The following VPS8 variants were observed in gnomAD, a reference collection of about 807,000 sequenced individuals.
The protein encoded by VPS8 is vacuolar protein sorting-associated protein 8 homolog.
A neutral mutation model predicts 216.4 loss-of-function variants in VPS8; 129 were observed. That is an observed-to-expected ratio of 0.60 (90% CI 0.52 to 0.69). The LOEUF (loss-of-function observed/expected upper bound fraction) is 0.69. Ranked by LOEUF, VPS8 falls within the 30% of genes least tolerant of loss-of-function variation. The probability of loss-of-function intolerance (pLI) is 0.00; values close to 1 mark genes in which losing one functional copy is unlikely to be tolerated. For synonymous variants in VPS8, 571 were observed against 565.4 expected (o/e 1.01, Z -0.14); for missense variants, 1,531 against 1,683.5 (o/e 0.91, Z 1.59).
At chr3:184,822,503 G>T (rs9843469) in intron 1 of VPS8, among the ~76,000 whole-genome samples, 29,608 of 152,176 alleles carry the variant, frequency 0.19, 6,203 homozygotes, top group African/African-American at 0.53. Context: ...TTTGGAAAGA[G>T]ATAAAATATG....
rs370127774 is a variant in VPS8 at position 184,894,830 on chromosome 3, A to G, written c.1909A>G (p.Lys637Glu). ...KLVGITPQVM[K>E]DLIVHFQDKK... is the part of the protein sequence containing the mutation. The stretch of plus-strand genomic sequence containing the variant: ...GGTGGGAATCACACCCCAAGTAATG[A>G]AAGACTTGATTGTTCATTTCCAAGA... Residue 637 changes from lysine to glutamate, a missense_variant, in exon 23 of 48, where the codon AAA becomes GAA. Lys to Glu is a moderately conservative substitution (Grantham distance 56, BLOSUM62 1). Around this residue, in one of 3 missense-constraint regions of VPS8, gnomAD observed 1,318 missense variants for 1,468.4 expected, o/e 0.90. Transcript: ENST00000625842. The G allele has an allele frequency of 1.9e-6, 3 of 1,610,600 alleles. No homozygotes were observed. Among genetic ancestry groups the G allele is most frequent in the Non-Finnish European group, 2.5e-6 (3 of 1,178,290 alleles).
intron 6 of VPS8, chr3:184,839,453 G>T: frequency 2.4e-6 from 1 of 410,928 alleles, no homozygotes; most frequent in Non-Finnish European, 4.3e-6. Context: ...GCATGTTATT[G>T]CCTATAATGT....
intron 25 of VPS8, among the ~76,000 whole-genome samples, chr3:184,906,268 TG>T (rs1735476771): frequency 6.6e-6 from 1 of 152,220 alleles, no homozygotes; most frequent in Non-Finnish European, 1.5e-5. Context: ...TACTTTTTTT[TG>T]TGGTCAGAAA....
intron 16 of VPS8, among the ~76,000 whole-genome samples, chr3:184,865,107 A>G (rs1727090098): frequency 6.6e-6 from 1 of 152,164 alleles, no homozygotes; most frequent in Admixed American, 6.5e-5. Flanking sequence ...TTGAAGATAC[A>G]ACAATAGAAA....
intron 45 of VPS8, among the ~76,000 whole-genome samples, chr3:185,011,632 T>C (rs1216070797): frequency 6.6e-6 from 1 of 152,222 alleles, no homozygotes; most frequent in East Asian, 1.9e-4. Flanking sequence ...AATGTTGCTA[T>C]GTTACAGGGA....
At chr3:185,027,368 A>C (rs941854486) in intron 46 of VPS8, among the ~76,000 whole-genome samples, 4 of 146,566 alleles carry the variant, frequency 2.7e-5, no homozygotes, top group African/African-American at 5.1e-5. Flanking sequence ...TCAGCCTCCC[A>C]AGTAGCTGGG....
intron 22 of VPS8, among the ~76,000 whole-genome samples, chr3:184,887,109 G>A (rs571494851): frequency 6.6e-6 from 1 of 152,290 alleles, no homozygotes; most frequent in South Asian, 2.1e-4. Context: ...GTGGGAGGCC[G>A]AGGTGGGAGG....
chr3:184,847,946 T>C (rs1723447617), intron 8 of VPS8, among the ~76,000 whole-genome samples: 1 of 152,206 alleles, frequency 6.6e-6, no homozygotes, highest in Non-Finnish European at 1.5e-5. Flanking sequence ...GGAGTCTTTC[T>C]CTGTCTCCCA....
rs578157746 is a variant in VPS8 at position 184,996,599 on chromosome 3, G to A, written c.3836+98G>A. 127 of 1,380,546 alleles carry A rather than the reference G, an allele frequency of 9.2e-5. 2 individuals carry two copies. In the South Asian group the frequency reaches 1.3e-3, roughly 14 times the overall value. 85.5% of individuals were successfully genotyped at this position (1,380,546 alleles called of 1,614,324 possible). A position where few individuals can be genotyped will look rare whatever the true frequency, so the allele number is the denominator to read the frequency against. On this transcript the variant is annotated intron_variant, in intron 44 of 47. Coordinates refer to ENST00000625842, the MANE Select transcript of VPS8 (RefSeq NM_001009921.3). ...GGATACACGGGTAGTCATTCTAGCA[G>A]TGAACGTGATAGGCAAGTTCCTGCC...
intron 8 of VPS8, among the ~76,000 whole-genome samples, chr3:184,846,951 G>A (rs1723247559): frequency 6.6e-6 from 1 of 152,076 alleles, no homozygotes; most frequent in South Asian, 2.1e-4. Flanking sequence ...TTTAGAGTCA[G>A]GAAAATTATA....
At chr3:184,955,052 A>G (rs1416623744) in intron 36 of VPS8, among the ~76,000 whole-genome samples, 1 of 152,202 alleles carries the variant, frequency 6.6e-6, no homozygotes, top group African/African-American at 2.4e-5. Context: ...TCTTTGGTCA[A>G]GTGGTAACGC....
chr3:184,915,551 C>A (rs1005858012), intron 28 of VPS8, 77 bp downstream of exon 28: 16 of 1,476,922 alleles, frequency 1.1e-5, no homozygotes, highest in Middle Eastern at 2.5e-4. Flanking sequence ...GGTGGCTCAC[C>A]CCTGTAATCC....
rs1453287144 is a variant in VPS8 at position 184,895,421 on chromosome 3, G to T, written c.2004+496G>T. On this transcript the variant is annotated intron_variant, in intron 23 of 47. Coordinates refer to ENST00000625842, the MANE Select transcript of VPS8 (RefSeq NM_001009921.3). The stretch of plus-strand genomic sequence containing the variant: ...CATGGTATATAACAGGCAAGTTATA[G>T]AACTTTTTAGCATGAATAGCCAGCC... Among the ~76,000 whole-genome samples, 10 of 151,842 alleles carry T rather than the reference G, an allele frequency of 6.6e-5. No homozygotes were observed. The East Asian group carries it at 1.7e-3, about 27-fold the overall frequency.
rs546268827 is a variant in VPS8, at chr3:184,891,674, C to G, written c.1782-3029C>G. 1.5e-4 allele frequency among the ~76,000 whole-genome samples: 23 copies of G among 152,114 alleles called. 1 individual carries two copies. The South Asian group carries it at 4.8e-3, about 32-fold the overall frequency. On this transcript the variant is annotated intron_variant, in intron 22 of 47. Transcript: ENST00000625842. ...GTGGTACTTGTATCAAAAAATAGAGCATTTTGAACATAATTTGTTAAAATT... is the reference window on the plus strand; with the variant it reads ...GTGGTACTTGTATCAAAAAATAGAGGATTTTGAACATAATTTGTTAAAATT...
At chr3:185,002,646 T>C (rs1387329613) in intron 45 of VPS8, among the ~76,000 whole-genome samples, 1 of 152,194 alleles carries the variant, frequency 6.6e-6, no homozygotes, top group Non-Finnish European at 1.5e-5. Flanking sequence ...ATTATTTCAT[T>C]CTTATGCTTT....
chr3:184,876,815 A>G (rs1394954883), intron 21 of VPS8, among the ~76,000 whole-genome samples: 4 of 152,192 alleles, frequency 2.6e-5, no homozygotes, highest in African/African-American at 4.8e-5. Flanking sequence ...TTGGTATATT[A>G]TAGAATTCTC....
In VPS8 at chr3:184,984,194, A is replaced by AACAAAAAAAAAAAAAAAAAACTCACCAAG; in HGVS notation, c.3585+1100_3585+1101insACAAAAAAAAAAAAAAAAAACTCACCAAG. Among the ~76,000 whole-genome samples the AACAAAAAAAAAAAAAAAAAACTCACCAAG allele has an allele frequency of 4.3e-5, 2 of 46,528 alleles. 1 individual carries two copies. Among genetic ancestry groups the AACAAAAAAAAAAAAAAAAAACTCACCAAG allele is most frequent in the Admixed American group, 8.7e-4 (2 of 2,300 alleles). The allele number at this position is 46,528 out of a possible 152,430, so 30.5% of individuals were successfully genotyped here. On this transcript the variant is annotated intron_variant, in intron 42 of 47. Transcript: ENST00000625842. ...GCGAGACTCCGTCTCAAAAAAAAAAACTCTACTTCCCATCTGATATTAAGC... is the reference window on the plus strand; with the variant it reads ...GCGAGACTCCGTCTCAAAAAAAAAAAACAAAAAAAAAAAAAAAAAACTCACCAAGCTCTACTTCCCATCTGATATTAAGC...
At chr3:184,970,226 A>G (rs1252982235) in intron 39 of VPS8, among the ~76,000 whole-genome samples, 1 of 152,006 alleles carries the variant, frequency 6.6e-6, no homozygotes, top group Non-Finnish European at 1.5e-5. Context: ...CTACTTTCCT[A>G]TTCAATTTTG....
chr3:184,937,378 G>A (rs1429292063), intron 35 of VPS8, among the ~76,000 whole-genome samples: 1 of 152,156 alleles, frequency 6.6e-6, no homozygotes, highest in Non-Finnish European at 1.5e-5. Context: ...TCAGAGCAGT[G>A]AGTAGGAGGT....
Sources: allele counts gnomAD v4.1 joint callset (sites outside exome capture counted in the v4.1 genomes callset), GRCh38; gene constraint gnomAD v4.1.1; regional missense constraint gnomAD v4.1.1; transcripts MANE v1.5; gene names NCBI Gene and HGNC (gene_info 2026-07-23, HGNC 2026-07-21).